Variants in CCDC18 observed in about 807,000 individuals in gnomAD.
CCDC18 encodes the protein coiled-coil domain-containing protein 18.
A neutral mutation model predicts 196.0 loss-of-function variants in CCDC18; 157 were observed. The ratio of observed to expected loss-of-function variants is 0.80; its 90% CI spans 0.70 to 0.91. The LOEUF is 0.91. Among genes scored for constraint, CCDC18 ranks in the 40% least tolerant of loss-of-function variants. The probability of loss-of-function intolerance (pLI) is 0.00; values close to 1 mark genes in which losing one functional copy is unlikely to be tolerated. For synonymous variants in CCDC18, 482 were observed against 529.2 expected (o/e 0.91, Z 1.22); for missense variants, 1,465 against 1,611.6 (o/e 0.91, Z 1.56).
At chr1:93,205,096 T>A (rs1260578327) in intron 7 of CCDC18, among the ~76,000 whole-genome samples, 1 of 152,208 alleles carries the variant, frequency 6.6e-6, no homozygotes, top group African/African-American at 2.4e-5. Flanking sequence ...CTACCCAATC[T>A]TCTCCTCTCA....
chr1:93,235,070 C>T (rs965134928), intron 18 of CCDC18, among the ~76,000 whole-genome samples: 2 of 151,142 alleles, frequency 1.3e-5, no homozygotes, highest in Non-Finnish European at 2.9e-5. Context: ...AGAAATCCAC[C>T]CTCCTTGGCC....
chr1:93,265,330 C>T (rs1367042642), intron 27 of CCDC18, among the ~76,000 whole-genome samples: 1 of 152,136 alleles, frequency 6.6e-6, no homozygotes, highest in Non-Finnish European at 1.5e-5. Context: ...GCCATGAAGG[C>T]ATCATTATAT....
At chr1:93,211,339 T>C (rs1655623767) in intron 10 of CCDC18, among the ~76,000 whole-genome samples, 1 of 151,616 alleles carries the variant, frequency 6.6e-6, no homozygotes, top group Admixed American at 6.6e-5. Context: ...GCTCAGAGAA[T>C]ATTATAACAG....
intron 17 of CCDC18, among the ~76,000 whole-genome samples, chr1:93,227,135 CT>C (rs1266332945): frequency 7.2e-6 from 1 of 139,536 alleles, no homozygotes; most frequent in African/African-American, 2.6e-5. Context: ...AGAATTTCAA[CT>C]TTTTTAAGAT....
intron 19 of CCDC18, among the ~76,000 whole-genome samples, chr1:93,236,765 A>G (rs1660121543): frequency 6.6e-6 from 1 of 152,206 alleles, no homozygotes; most frequent in Admixed American, 6.5e-5. Context: ...CTTTCAGGCA[A>G]TCCAATTATA....
At chr1:93,184,471 A>G (rs1318110585) in intron 3 of CCDC18, among the ~76,000 whole-genome samples, 8 of 151,884 alleles carry the variant, frequency 5.3e-5, no homozygotes, top group Non-Finnish European at 1.2e-4. Context: ...CATAATAGGT[A>G]ATCAATTGTT....
At chr1:93,231,333 C>G (rs1235483852) in intron 17 of CCDC18, among the ~76,000 whole-genome samples, 2 of 152,042 alleles carry the variant, frequency 1.3e-5, no homozygotes, top group Admixed American at 6.6e-5. Flanking sequence ...ACCTACAGCC[C>G]ATTCTCTAAT....
At position 93,184,010 on chromosome 1, in the gene CCDC18, C is replaced by T; in HGVS notation, c.167C>T (p.Pro56Leu). Residue 56 changes from proline (P) to leucine (L), a missense_variant, in exon 3 of 29, where the codon CCT becomes CTT. Physicochemically the swap from Pro to Leu is moderately conservative, Grantham distance 98. Coordinates refer to ENST00000690025, the MANE Select transcript of CCDC18 (RefSeq NM_001378204.1). ...VSPSENSDYA[P>L]NPSRSEKLIL... The stretch of plus-strand genomic sequence containing the variant: ...CCAAGTGAAAATTCTGATTATGCCC[C>T]TAATCCTTCAAGGTCTGAAAAGCTA... The T allele has an allele frequency of 6.4e-7, 1 of 1,563,136 alleles. No individual in the cohort carries two copies. Among genetic ancestry groups the T allele is most frequent in the African/African-American group, 1.4e-5 (1 of 73,470 alleles).
intron 6 of CCDC18, among the ~76,000 whole-genome samples, chr1:93,194,069 G>T (rs1652305608): frequency 6.6e-6 from 1 of 152,016 alleles, no homozygotes; most frequent in Admixed American, 6.6e-5. Flanking sequence ...CAGGGAAAAA[G>T]CCTGTAAATT....
At chr1:93,278,096 C>A (rs548286200) in intron 28 of CCDC18, among the ~76,000 whole-genome samples, 34 of 152,178 alleles carry the variant, frequency 2.2e-4, no homozygotes, top group African/African-American at 7.7e-4. Context: ...AAGTGATTCT[C>A]CTGCCTTAGC....
upstream of CCDC18, chr1:93,180,060 C>T (rs776986275): frequency 6.2e-7 from 1 of 1,612,888 alleles, no homozygotes; most frequent in Non-Finnish European, 8.5e-7. Context: ...TTACTTGGTA[C>T]TCGATCTCCA....
chr1:93,239,452 C>T lies in CCDC18; in HGVS notation c.2746C>T (p.Leu916=). Residue 916 remains leucine, a synonymous_variant, in exon 20 of 29, where the codon CTA becomes TTA. Transcript: ENST00000690025. ...DMILDQTKTE[L]EKKTNAVKEL... is the part of the protein sequence containing the mutation. The stretch of plus-strand genomic sequence containing the variant: ...GATCTTAGATCAGACAAAGACAGAG[C>T]TAGAAAAGAAAACAAATGCTGGTAA... 3 of 1,609,024 alleles carry T rather than the reference C, an allele frequency of 1.9e-6. No individual in the cohort carries two copies. Among genetic ancestry groups the T allele is most frequent in the Non-Finnish European group, 2.5e-6 (3 of 1,178,394 alleles).
At chr1:93,227,334 A>ATT (rs1159846377) in intron 17 of CCDC18, among the ~76,000 whole-genome samples, 1 of 137,682 alleles carries the variant, frequency 7.3e-6, no homozygotes, top group African/African-American at 2.7e-5. Context: ...AATTTTTTGT[A>ATT]TTTTTTTTTT....
At chr1:93,218,349 A>T (rs1656835634) in intron 14 of CCDC18, among the ~76,000 whole-genome samples, 1 of 152,232 alleles carries the variant, frequency 6.6e-6, no homozygotes, top group Non-Finnish European at 1.5e-5. Flanking sequence ...TTTCCTATAC[A>T]TACATACCTA....
intron 23 of CCDC18, among the ~76,000 whole-genome samples, chr1:93,252,466 A>AT (rs1235178601): frequency 6.6e-6 from 1 of 151,768 alleles, no homozygotes; most frequent in Non-Finnish European, 1.5e-5. Flanking sequence ...TTTTTGTTTG[A>AT]TTTTTTAAAA....
At chr1:93,205,328 T>G (rs537780903) in intron 7 of CCDC18, among the ~76,000 whole-genome samples, 182 bp from the exon 8 acceptor site, 8 of 152,316 alleles carry the variant, frequency 5.3e-5, no homozygotes, top group African/African-American at 1.9e-4. Context: ...TCTTTTTCTC[T>G]GTCCTTTGCT....
chr1:93,246,851 A>G lies in CCDC18; in HGVS notation c.3095A>G (p.Asp1032Gly). ...KQRAAQVTHL[D>G]MTIREHRGEM... ...GTTATTTTTTAGGTTACACATTTGG[A>G]TATGACTATTCGTGAGCACAGAGGA... Residue 1032 changes from aspartate (D) to glycine (G), a missense_variant, in exon 23 of 29, where the codon GAT (aspartate) becomes GGT (glycine). By Grantham distance (94) the Asp-to-Gly change is moderately conservative. Coordinates refer to ENST00000690025, the MANE Select transcript of CCDC18 (RefSeq NM_001378204.1). 6.8e-7 allele frequency: 1 copy of G among 1,478,544 alleles called. No individual in the cohort carries two copies. The highest frequency in any genetic ancestry group is 1.2e-5 in the South Asian group (1 of 84,892). The allele number at this position is 1,478,544 out of a possible 1,614,324, so 91.6% of individuals were successfully genotyped here.
At position 93,258,849 on chromosome 1, in the gene CCDC18, A is replaced by G; in HGVS notation, c.3648A>G (p.Ala1216=). 6.2e-7 allele frequency: 1 copy of G among 1,603,522 alleles called. No individual in the cohort carries two copies. The highest frequency in any genetic ancestry group is 1.7e-4 in the Middle Eastern group (1 of 6,042). The change falls in exon 26 of 29, where the codon GCA becomes GCG. Residue 1216 remains alanine, a synonymous_variant. Transcript: ENST00000690025. The part of the protein sequence containing the change: ...RMQAEIKKLS[A]EVESLKEAYH... The stretch of plus-strand genomic sequence containing the variant: ...AAGCAGAAATCAAGAAATTGTCAGC[A>G]GAAGTAGAATCTCTCAAAGAAGCTT...
At chr1:93,227,971 A>AAAAAAT (rs57726461) in intron 17 of CCDC18, among the ~76,000 whole-genome samples, 113 of 125,326 alleles carry the variant, frequency 9.0e-4, no homozygotes, top group African/African-American at 2.8e-3. Flanking sequence ...AAAAAAAAAA[A>AAAAAAT]ATATATATAT....
Sources: allele counts gnomAD v4.1 joint callset (sites outside exome capture counted in the v4.1 genomes callset), GRCh38; gene constraint gnomAD v4.1.1; transcripts MANE v1.5; gene names NCBI Gene and HGNC (gene_info 2026-07-23, HGNC 2026-07-21).